ADAMTSL1: variants seen among roughly 807,000 people sequenced by gnomAD.
ADAMTSL1 encodes ADAMTS-like protein 1.
In ADAMTSL1, 126 loss-of-function variants were observed where a neutral mutation model predicts 201.8. The observed-to-expected ratio is 0.62, with a 90% confidence interval of 0.54 to 0.72. The LOEUF (loss-of-function observed/expected upper bound fraction) is 0.72, where lower values mean the gene tolerates loss of function less well. Among genes scored for constraint, ADAMTSL1 ranks in the 30% least tolerant of loss-of-function variants. The pLI is 0.00. For missense variants in ADAMTSL1, 2,679 were observed against 2,277.8 expected, an observed-to-expected ratio of 1.18 and a Z score of -3.59; for synonymous variants, 1,121 against 903.4, an observed-to-expected ratio of 1.24 and a Z score of -4.32.
At chr9:18,493,622 T>C (rs187376102) in intron 1 of ADAMTSL1, among the ~76,000 whole-genome samples, 79 of 152,312 alleles carry the variant, frequency 5.2e-4, no homozygotes, top group Non-Finnish European at 8.2e-4. Context: ...TTTGGGTAAA[T>C]TTAGAGTTGG....
At chr9:17,985,384 C>T (rs543033853) in intron 1 of ADAMTSL1, among the ~76,000 whole-genome samples, 2 of 151,960 alleles carry the variant, frequency 1.3e-5, no homozygotes, top group Admixed American at 1.3e-4. Context: ...CTAGGAAGAC[C>T]ATTTAAAATA....
chr9:18,284,366 T>A (rs1485990479), intron 2 of ADAMTSL1, among the ~76,000 whole-genome samples: 2 of 152,222 alleles, frequency 1.3e-5, no homozygotes, highest in African/African-American at 4.8e-5. Flanking sequence ...AATTTTAGCA[T>A]ATTCGGTTTT....
At chr9:18,079,686 T>G (rs1586998761) in intron 1 of ADAMTSL1, among the ~76,000 whole-genome samples, 1 of 61,520 alleles carries the variant, frequency 1.6e-5, no homozygotes, top group Non-Finnish European at 4.0e-5. Context: ...TGTCTCAAAA[T>G]AAATAAATAA....
chr9:18,853,663 C>T (rs1826647270), intron 23 of ADAMTSL1, among the ~76,000 whole-genome samples: 2 of 152,334 alleles, frequency 1.3e-5, no homozygotes, highest in African/African-American at 2.4e-5. Context: ...AACTACATGT[C>T]TCCCAAAGTT....
At chr9:18,596,564 C>T (rs544908627) in intron 4 of ADAMTSL1, among the ~76,000 whole-genome samples, 10 of 152,140 alleles carry the variant, frequency 6.6e-5, no homozygotes, top group African/African-American at 1.7e-4. Context: ...TGTAAGACAC[C>T]GTGCTATGTA....
intron 2 of ADAMTSL1, among the ~76,000 whole-genome samples, chr9:18,407,921 A>G (rs927069194): frequency 2.6e-5 from 4 of 152,200 alleles, no homozygotes; most frequent in African/African-American, 9.6e-5. Context: ...ACTAGGGAAG[A>G]CTGCAATGTT....
chr9:18,282,382 AG>A (rs1346046723), intron 2 of ADAMTSL1, among the ~76,000 whole-genome samples: 7 of 152,244 alleles, frequency 4.6e-5, no homozygotes, highest in African/African-American at 1.7e-4. Flanking sequence ...ATACAAGTGC[AG>A]GAGGTATCTT....
chr9:18,149,756 T>C (rs1651272335), intron 1 of ADAMTSL1, among the ~76,000 whole-genome samples: 1 of 151,988 alleles, frequency 6.6e-6, no homozygotes, highest in African/African-American at 2.4e-5. Context: ...GAAGAAAGGA[T>C]AAGATTAGAA....
chr9:18,280,304 T>A (rs1052627127), intron 2 of ADAMTSL1, among the ~76,000 whole-genome samples: 2 of 151,880 alleles, frequency 1.3e-5, no homozygotes, highest in Admixed American at 1.3e-4. Context: ...TGAAACTTGA[T>A]GCTGACCTGG....
rs113525267 is a variant in ADAMTSL1 at position 17,928,059 on chromosome 9, A to G, written c.87+21137A>G. ...GCCCAGGCTGGAGTGCATTGGTACT[A>G]TCAGGACTCACTGCAGCCTCGACTT... is the stretch of plus-strand genomic sequence containing the variant. On this transcript the variant is annotated intron_variant, in intron 1 of 29. Coordinates refer to the ADAMTSL1 transcript ENST00000680146. Among the ~76,000 whole-genome samples the G allele has an allele frequency of 6.6e-3, 988 of 149,020 alleles. 13 individuals are homozygous for G. Among genetic ancestry groups the G allele is most frequent in the African/African-American group, 0.023 (941 of 40,314 alleles).
chr9:18,131,538 C>T (rs984521635), intron 1 of ADAMTSL1, among the ~76,000 whole-genome samples: 3 of 152,012 alleles, frequency 2.0e-5, no homozygotes, highest in South Asian at 2.1e-4. Flanking sequence ...GTTTCTTTTC[C>T]GAGATTTCAC....
At chr9:18,493,800 A>C (rs1462320789) in intron 1 of ADAMTSL1, among the ~76,000 whole-genome samples, 1 of 152,234 alleles carries the variant, frequency 6.6e-6, no homozygotes, top group Non-Finnish European at 1.5e-5. Flanking sequence ...GAAAGCTGAC[A>C]GCTGTTATGA....
intron 2 of ADAMTSL1, among the ~76,000 whole-genome samples, chr9:18,367,714 G>A (rs1481021331): frequency 6.6e-6 from 1 of 151,970 alleles, no homozygotes; most frequent in Non-Finnish European, 1.5e-5. Flanking sequence ...CGGAAAGTTA[G>A]GAACAAAGAG....
At chr9:18,420,434 C>T (rs979434068) in intron 2 of ADAMTSL1, among the ~76,000 whole-genome samples, 2 of 152,142 alleles carry the variant, frequency 1.3e-5, no homozygotes, top group African/African-American at 4.8e-5. Flanking sequence ...GGATGCTAAC[C>T]TGGCCTTTCC....
intron 2 of ADAMTSL1, among the ~76,000 whole-genome samples, chr9:18,423,218 A>G (rs1248047334): frequency 6.6e-6 from 1 of 152,214 alleles, no homozygotes; most frequent in African/African-American, 2.4e-5. Flanking sequence ...TTTCTGGACA[A>G]TTTAAACTGG....
intron 1 of ADAMTSL1, among the ~76,000 whole-genome samples, chr9:18,027,271 C>G (rs547530742): frequency 6.6e-6 from 1 of 151,570 alleles, no homozygotes; most frequent in East Asian, 1.9e-4. Context: ...GGTTGATTTG[C>G]TCTTGTTTTT....
intron 2 of ADAMTSL1, among the ~76,000 whole-genome samples, chr9:18,528,383 C>T (rs192584718): frequency 1.3e-5 from 2 of 151,998 alleles, no homozygotes; most frequent in African/African-American, 4.8e-5. Flanking sequence ...TGTGTTGTTA[C>T]CCCCATGTAT....
rs1290626479 is a variant in ADAMTSL1 at position 18,287,604 on chromosome 9, TGCATATATGTATGTGTATACATATAC to T, written c.207+123650_207+123675del. 5.4e-4 allele frequency among the ~76,000 whole-genome samples: 70 copies of T among 129,156 alleles called. 1 individual carries two copies. Among genetic ancestry groups the T allele is most frequent in the East Asian group, 3.6e-3 (17 of 4,690 alleles). The allele number at this position is 129,156 out of a possible 152,430, so 84.7% of individuals were successfully genotyped here. On this transcript the variant is annotated intron_variant, in intron 2 of 29. Transcript: ENST00000680146. Reference sequence around the variant, plus strand: ...ATATGTGTATATATACACACATATATGCATATATGTATGTGTATACATATACGCATATATGTATGTGTATACATATA... The same window carrying T: ...ATATGTGTATATATACACACATATATGCATATATGTATGTGTATACATATA...
chr9:18,021,371 A>G (rs1035865235), intron 1 of ADAMTSL1, among the ~76,000 whole-genome samples: 2 of 152,140 alleles, frequency 1.3e-5, no homozygotes, highest in Admixed American at 1.3e-4. Flanking sequence ...AGAATAGGTT[A>G]AGGATTTCAC....
Sources: gnomAD v4.1 joint callset for allele counts (sites outside exome capture counted in the v4.1 genomes callset) on GRCh38, gnomAD v4.1.1 for gene constraint, MANE v1.5 for transcripts, NCBI Gene and HGNC (gene_info 2026-07-23, HGNC 2026-07-21) for gene names.